Variants in RPS6KA2 observed in about 807,000 individuals in gnomAD.
RPS6KA2 encodes ribosomal protein S6 kinase A2.
Under a neutral mutation model 91.8 loss-of-function variants are expected in RPS6KA2, and 42 were observed. The observed-to-expected ratio is 0.46, with a 90% CI of 0.36 to 0.59. The LOEUF (loss-of-function observed/expected upper bound fraction) is 0.59. RPS6KA2 is among the 20% of genes least tolerant of loss of function. The probability of loss-of-function intolerance (pLI) is 0.00; values close to 1 mark genes in which losing one functional copy is unlikely to be tolerated. For synonymous variants in RPS6KA2, 414 were observed against 393.6 expected, an observed-to-expected ratio of 1.05 and a Z score of -0.61; for missense variants, 798 against 978.5, an observed-to-expected ratio of 0.82 and a Z score of 2.46.
chr6:166,518,054 G>A (rs1463200966), intron 3 of RPS6KA2, among the ~76,000 whole-genome samples: 1 of 151,988 alleles, frequency 6.6e-6, no homozygotes, highest in Non-Finnish European at 1.5e-5. Context: ...CTCTAGCGCT[G>A]CTGGGTTAGG....
chr6:166,622,700 T>C (rs953676726), intron 1 of RPS6KA2, among the ~76,000 whole-genome samples: 1 of 152,188 alleles, frequency 6.6e-6, no homozygotes, highest in Non-Finnish European at 1.5e-5. Context: ...ATGTTTTCCT[T>C]AAAAGGGATG....
chr6:166,505,312 TC>T (rs1782164608), intron 5 of RPS6KA2, among the ~76,000 whole-genome samples: 1 of 152,050 alleles, frequency 6.6e-6, no homozygotes, highest in African/African-American at 2.4e-5. Flanking sequence ...AGTGTCCATG[TC>T]CCGGGGGCTC....
chr6:166,452,658 C>T (rs1240603993), intron 12 of RPS6KA2, among the ~76,000 whole-genome samples: 2 of 151,942 alleles, frequency 1.3e-5, no homozygotes, highest in African/African-American at 2.4e-5. Flanking sequence ...AATAGAAAAC[C>T]CAGAAATAAA....
intron 10 of RPS6KA2, among the ~76,000 whole-genome samples, chr6:166,482,033 C>T (rs1781242837): frequency 6.6e-6 from 1 of 151,406 alleles, no homozygotes; most frequent in African/African-American, 2.4e-5. Flanking sequence ...GCTTGGAGAG[C>T]TCTGCTGAGC....
rs1790561448 is a variant in RPS6KA2 at position 166,732,629 on chromosome 6, G to C, written c.123+125571C>G. 6.6e-6 allele frequency among the ~76,000 whole-genome samples: 1 copy of C among 152,252 alleles called. No homozygotes were observed. Among genetic ancestry groups the C allele is most frequent in the South Asian group, 2.1e-4 (1 of 4,838 alleles). On this transcript the variant is annotated intron_variant, in intron 2 of 21. Transcript: ENST00000503859. The surrounding 1 kb of genome is among the most constrained non-coding windows in gnomAD (Gnocchi z 4.0). ...TGTTGAATCTTCAACCAGCATCAAAGAAAGGAGCCGCCTTTGCAGGGATTG... is the reference window on the plus strand; with the variant it reads ...TGTTGAATCTTCAACCAGCATCAAACAAAGGAGCCGCCTTTGCAGGGATTG...
intron 2 of RPS6KA2, among the ~76,000 whole-genome samples, chr6:166,827,406 C>A (rs1463134816): frequency 6.6e-6 from 1 of 152,100 alleles, no homozygotes; most frequent in Non-Finnish European, 1.5e-5. Flanking sequence ...GATCTTGTGG[C>A]CAAGAATAAT....
intron 10 of RPS6KA2, among the ~76,000 whole-genome samples, chr6:166,485,618 T>C (rs1781380738): frequency 6.6e-6 from 1 of 152,178 alleles, no homozygotes; most frequent in Non-Finnish European, 1.5e-5. Context: ...CCGCGATGCA[T>C]TGGCTTAGCT....
intron 2 of RPS6KA2, among the ~76,000 whole-genome samples, chr6:166,698,957 G>A (rs953358408): frequency 2.6e-5 from 4 of 152,178 alleles, no homozygotes; most frequent in Admixed American, 1.3e-4. Flanking sequence ...ATGAGGAGGC[G>A]AGGAACGAAG....
intron 1 of RPS6KA2, among the ~76,000 whole-genome samples, chr6:166,558,535 C>T (rs1399609519): frequency 6.6e-6 from 1 of 152,136 alleles, no homozygotes; most frequent in South Asian, 2.1e-4. Context: ...AATCTGCATC[C>T]CAAGCAGTGT....
chr6:166,657,910 G>A (rs1310202261), intron 2 of RPS6KA2, among the ~76,000 whole-genome samples: 1 of 152,166 alleles, frequency 6.6e-6, no homozygotes, highest in Non-Finnish European at 1.5e-5. Context: ...TTGAGACGGA[G>A]TCTCACCCTG....
chr6:166,781,374 C>T (rs898279054), intron 2 of RPS6KA2, among the ~76,000 whole-genome samples: 1 of 152,308 alleles, frequency 6.6e-6, no homozygotes, highest in South Asian at 2.1e-4. Flanking sequence ...CACCCCCTGG[C>T]GTGCTCCCAG....
At position 166,466,925 on chromosome 6, in the gene RPS6KA2, C is replaced by G. The variant is rs545066078; in HGVS notation, c.972+2916G>C. ...TCATTCACTCATTCCTTCACTCACT[C>G]CCTCACTTGTTGACTCACTCATTAA... On this transcript the variant is annotated intron_variant, in intron 11 of 20. Coordinates refer to ENST00000265678, the MANE Select transcript of RPS6KA2 (RefSeq NM_021135.6). Among the ~76,000 whole-genome samples the G allele has an allele frequency of 6.4e-4, 97 of 152,258 alleles. 1 individual carries two copies. In the Middle Eastern group the frequency reaches 0.014, roughly 21 times the overall value.
chr6:166,705,124 A>T (rs1789642006), intron 2 of RPS6KA2, among the ~76,000 whole-genome samples: 1 of 152,322 alleles, frequency 6.6e-6, no homozygotes, highest in African/African-American at 2.4e-5. Flanking sequence ...TTATTCTGAG[A>T]TGTTCACCTC....
At chr6:166,765,866 C>T (rs893308650) in intron 2 of RPS6KA2, among the ~76,000 whole-genome samples, 1 of 152,156 alleles carries the variant, frequency 6.6e-6, no homozygotes, top group Admixed American at 6.5e-5. Flanking sequence ...AGGCACTCAG[C>T]GACTACCAGC....
At chr6:166,742,080 C>G (rs1178547398) in intron 2 of RPS6KA2, among the ~76,000 whole-genome samples, 1 of 152,150 alleles carries the variant, frequency 6.6e-6, no homozygotes, top group Non-Finnish European at 1.5e-5. Context: ...GTGAGCCAAG[C>G]TGAGATCACA....
Position 166,737,042 on chromosome 6 carries a change from G to A in RPS6KA2, c.123+121158C>T, listed in dbSNP as rs557675600. Among the ~76,000 whole-genome samples the A allele has an allele frequency of 4.5e-4, 69 of 152,318 alleles. No homozygotes were observed. The highest frequency in any genetic ancestry group is 1.5e-3 in the African/African-American group (63 of 41,578). On this transcript the variant is annotated intron_variant, in intron 2 of 21. Transcript: ENST00000503859. This position sits in a 1 kb window ranked among gnomAD's most constrained non-coding sequence, Gnocchi z 4.3. ...AAGGGGGCAGGAAGGGAAAGAGAGC[G>A]GCAAAGCGCATGGAGCCTACGCTTT...
At chr6:166,413,505 A>G (rs1583098549) in intron 20 of RPS6KA2, among the ~76,000 whole-genome samples, 1 of 152,018 alleles carries the variant, frequency 6.6e-6, no homozygotes, top group South Asian at 2.1e-4. Flanking sequence ...TATGAAGGGG[A>G]CTTTTTTTGC....
intron 14 of RPS6KA2, among the ~76,000 whole-genome samples, chr6:166,444,744 G>A (rs1259946461): frequency 6.6e-6 from 1 of 152,206 alleles, no homozygotes; most frequent in East Asian, 1.9e-4. Flanking sequence ...ACAAGCCTGG[G>A]AATCCAGGTT....
At chr6:166,491,235 A>G (rs908765350) in intron 8 of RPS6KA2, among the ~76,000 whole-genome samples, 1 of 152,186 alleles carries the variant, frequency 6.6e-6, no homozygotes, top group Non-Finnish European at 1.5e-5. Flanking sequence ...TTAGCCTCTG[A>G]CGAGGACAAT....
Sources: gnomAD v4.1 joint callset for allele counts (sites outside exome capture counted in the v4.1 genomes callset) on GRCh38, gnomAD v4.1.1 for gene constraint, Gnocchi (gnomAD v3.1) non-coding constraint, MANE v1.5 for transcripts, NCBI Gene and HGNC (gene_info 2026-07-23, HGNC 2026-07-21) for gene names.